The following PRMT5 variants were observed in gnomAD, a reference collection of about 807,000 sequenced individuals.
The protein encoded by PRMT5 is protein arginine methyltransferase 5, also known as protein arginine N-methyltransferase 5.
A neutral mutation model predicts 84.0 loss-of-function variants in PRMT5; 15 were observed. The observed-to-expected ratio is 0.18, with a 90% CI of 0.12 to 0.28. The LOEUF is 0.28. Ranked by LOEUF, PRMT5 falls within the 10% of genes least tolerant of loss-of-function variation. The probability of loss-of-function intolerance (pLI) is 1.00; values close to 1 mark genes in which losing one functional copy is unlikely to be tolerated. For synonymous variants in PRMT5, 276 were observed against 292.4 expected, an observed-to-expected ratio of 0.94 and a Z score of 0.57; for missense variants, 486 against 808.0, an observed-to-expected ratio of 0.60 and a Z score of 4.83.
At position 22,923,638 on chromosome 14, in the gene PRMT5, C is replaced by T. The variant is rs910236898; in HGVS notation, c.1375+370G>A. ...AAGTGATTCTCGCGCCTCAGCCTCC[C>T]GAGTAGCTGGGATTACAGGCGTGCA... On this transcript the variant is annotated intron_variant, in intron 12 of 16. Transcript: ENST00000324366. The surrounding 1 kb of genome is among the most constrained non-coding windows in gnomAD (Gnocchi z 5.2). Among the ~76,000 whole-genome samples the T allele has an allele frequency of 2.4e-4, 36 of 152,024 alleles. No homozygotes were observed. The highest frequency in any genetic ancestry group is 8.2e-4 in the African/African-American group (34 of 41,380).
At position 22,925,187 on chromosome 14, in the gene PRMT5, G is replaced by T. The variant is rs567174831; in HGVS notation, c.778-147C>A. ...TTTTTAAAAAAAAAGATGGAGTCTCGCTCTATTGCCCAGGCTGGAGTGCAA... is the reference window on the plus strand; with the variant it reads ...TTTTTAAAAAAAAAGATGGAGTCTCTCTCTATTGCCCAGGCTGGAGTGCAA... On this transcript the variant is annotated intron_variant, in intron 7 of 16. Coordinates refer to ENST00000324366, the MANE Select transcript of PRMT5 (RefSeq NM_006109.5). 36 of 920,520 alleles carry T rather than the reference G, an allele frequency of 3.9e-5. No individual in the cohort carries two copies. The African/African-American group carries it at 6.3e-4, about 16-fold the overall frequency. The allele number at this position is 920,520 out of a possible 1,614,324, so 57.0% of individuals were successfully genotyped here.
In PRMT5 at chr14:22,924,630, A is replaced by G; in HGVS notation, c.1017+2T>C. 1 of 1,613,934 alleles carries G rather than the reference A, an allele frequency of 6.2e-7. No individual in the cohort carries two copies. On this transcript the variant is annotated splice_donor_variant, in intron 9 of 16. Transcript: ENST00000324366. LOFTEE classifies it high-confidence loss of function. This position sits in a 1 kb window ranked among gnomAD's most constrained non-coding sequence, Gnocchi z 6.5. Reference sequence around the variant, plus strand: ...TTCCTCACCCTGGGCACCACACAGTACCTGCTGGTACTGAGAGTATTTGAT... The same window carrying G: ...TTCCTCACCCTGGGCACCACACAGTGCCTGCTGGTACTGAGAGTATTTGAT...
chr14:22,926,468 G>A (rs1566634819), intron 6 of PRMT5, 38 bp downstream of exon 6: 7 of 1,611,878 alleles, frequency 4.3e-6, no homozygotes, highest in Non-Finnish European at 5.9e-6. Flanking sequence ...CAGGAGGTAA[G>A]AGAAGCCACA....
In PRMT5 at chr14:22,922,196, G is replaced by A; in HGVS notation, c.1741C>T (p.Pro581Ser). The change falls in exon 16 of 17, where the codon CCC (proline) becomes TCC (serine). Residue 581 changes from proline to serine, a missense_variant. By Grantham distance (74) the Pro-to-Ser change is moderately conservative. Coordinates refer to ENST00000324366, the MANE Select transcript of PRMT5 (RefSeq NM_006109.5). ...THSPGMFSWF[P>S]ILFPIKQPIT... ...CCTACCTTAATAGGGAAGAGGATGG[G>A]AAACCATGAGAACATCCCAGGAGAG... 6.3e-7 allele frequency: 1 copy of A among 1,593,334 alleles called. No individual in the cohort carries two copies. The highest frequency in any genetic ancestry group is 1.3e-5 in the African/African-American group (1 of 74,566).
In PRMT5 at chr14:22,923,801, C is replaced by T. The variant is rs530144309; in HGVS notation, c.1375+207G>A. On this transcript the variant is annotated intron_variant, in intron 12 of 16. Transcript: ENST00000324366. The surrounding 1 kb of genome is among the most constrained non-coding windows in gnomAD (Gnocchi z 5.2). ...TACAGGCATGAGCCACCGCGCCCAG[C>T]CCACTCCCTTCATTTTACAAATATG... is the stretch of plus-strand genomic sequence containing the variant. Among the ~76,000 whole-genome samples the T allele has an allele frequency of 8.5e-5, 13 of 152,284 alleles. No individual in the cohort carries two copies. The highest frequency in any genetic ancestry group is 2.9e-4 in the African/African-American group (12 of 41,564).
In PRMT5 at chr14:22,926,577, A is replaced by G. The variant is rs1418627241; in HGVS notation, c.564-22T>C. The G allele has an allele frequency of 5.6e-6, 9 of 1,613,974 alleles. No individual in the cohort carries two copies. In the Admixed American group the frequency reaches 1.5e-4, roughly 27 times the overall value. ...CCACCTGTTCAGTCAAATACAGAAA[A>G]GTACAGTAAACTAGATATGGCCGAC... is the stretch of plus-strand genomic sequence containing the variant. On this transcript the variant is annotated intron_variant, in intron 5 of 16. Transcript: ENST00000324366.
chr14:22,926,025 C>T, intron 7 of PRMT5, 108 bp downstream of exon 7: 3 of 1,253,772 alleles, frequency 2.4e-6, no homozygotes, highest in Admixed American at 2.3e-5. Flanking sequence ...AAATTGCTCC[C>T]CAGAAACCAA....
intron 16 of PRMT5, 39 bp downstream of exon 16, chr14:22,922,137 G>C: frequency 1.3e-6 from 2 of 1,498,480 alleles, no homozygotes; most frequent in South Asian, 2.3e-5. Flanking sequence ...AAAGGCAAAG[G>C]TTACTGCTTA....
chr14:22,924,906 A>G lies in PRMT5; in HGVS notation c.912T>C (p.Tyr304=), dbSNP rs751508617. The G allele has an allele frequency of 1.9e-6, 3 of 1,614,218 alleles. No individual in the cohort carries two copies. Among genetic ancestry groups the G allele is most frequent in the Non-Finnish European group, 2.5e-6 (3 of 1,180,030 alleles). Residue 304 remains tyrosine (Y), a synonymous_variant, in exon 8 of 17, where the codon TAT becomes TAC. Coordinates refer to ENST00000324366, the MANE Select transcript of PRMT5 (RefSeq NM_006109.5). This position sits in a 1 kb window ranked among gnomAD's most constrained non-coding sequence, Gnocchi z 6.5. ...PNAYELFAKG[Y]EDYLQSPLQP... is the part of the protein sequence containing the mutation. Reference sequence around the variant, plus strand: ...GAAGCGGGGACTGCAGATAGTCTTCATAGCCCTTGGCAAAGAGTTCATAGG... The same window carrying G: ...GAAGCGGGGACTGCAGATAGTCTTCGTAGCCCTTGGCAAAGAGTTCATAGG...
chr14:22,923,300 T>C lies in PRMT5; in HGVS notation c.1376-140A>G, dbSNP rs1169534816. On this transcript the variant is annotated intron_variant, in intron 12 of 16. Transcript: ENST00000324366. The surrounding 1 kb of genome is among the most constrained non-coding windows in gnomAD (Gnocchi z 5.2). The stretch of plus-strand genomic sequence containing the variant: ...GGCATGGAAGAAAGAGACAAATGCA[T>C]GTTGTCACATTACTAAGCCAGCCTG... 3.3e-6 allele frequency: 2 copies of C among 598,990 alleles called. No homozygotes were observed. The highest frequency in any genetic ancestry group is 2.3e-5 in the South Asian group (1 of 43,378). 37.1% of individuals were successfully genotyped at this position (598,990 alleles called of 1,614,324 possible). A position where few individuals can be genotyped will look rare whatever the true frequency, so the allele number is the denominator to read the frequency against.
chr14:22,925,966 G>C (rs1330065461), intron 7 of PRMT5, among the ~76,000 whole-genome samples, 167 bp downstream of exon 7: 2 of 152,138 alleles, frequency 1.3e-5, no homozygotes, highest in Non-Finnish European at 2.9e-5. Flanking sequence ...GGTTTCTAGG[G>C]CTACTACTGG....
Position 22,929,364 on chromosome 14 carries a change from T to C in PRMT5, c.-3A>G. The C allele has an allele frequency of 6.2e-7, 1 of 1,606,036 alleles. No homozygotes were observed. The highest frequency in any genetic ancestry group is 8.5e-7 in the Non-Finnish European group (1 of 1,177,842). On this transcript the variant is annotated 5_prime_UTR_variant, in exon 1 of 17. Transcript: ENST00000324366. Reference sequence around the variant, plus strand: ...CCCCCGACCGCCATCGCCGCCATCTTTCTCCTCGCGCTGTCCACGCCGGGA... The same window carrying C: ...CCCCCGACCGCCATCGCCGCCATCTCTCTCCTCGCGCTGTCCACGCCGGGA...
rs941775674 is a variant in PRMT5, at chr14:22,923,954, A to C, written c.1375+54T>G. The C allele has an allele frequency of 2.6e-6, 4 of 1,514,864 alleles. No individual in the cohort carries two copies. The highest frequency in any genetic ancestry group is 2.8e-5 in the African/African-American group (2 of 71,578). The allele number at this position is 1,514,864 out of a possible 1,614,324, so 93.8% of individuals were successfully genotyped here. A position where few individuals can be genotyped will look rare whatever the true frequency, so the allele number is the denominator to read the frequency against. On this transcript the variant is annotated intron_variant, in intron 12 of 16. Coordinates refer to ENST00000324366, the MANE Select transcript of PRMT5 (RefSeq NM_006109.5). This position sits in a 1 kb window ranked among gnomAD's most constrained non-coding sequence, Gnocchi z 5.2. ...CCCCTAAACCCTGTACCCTCCTCCC[A>C]GGTTGCTGTCTCACCCATCATCACC...
chr14:22,926,953 A>G, intron 4 of PRMT5, 139 bp from the exon 5 acceptor site: 1 of 644,012 alleles, frequency 1.6e-6, no homozygotes, highest in Non-Finnish European at 2.8e-6. Context: ...TTGTAAGTGA[A>G]CATGTACCTT....
chr14:22,925,165 TTAAA>T (rs1566633557), intron 7 of PRMT5, 125 bp from the exon 8 acceptor site: 57 of 852,898 alleles, frequency 6.7e-5, no homozygotes, highest in East Asian at 1.6e-4. Context: ...TTTTTTTTTT[TTAAA>T]AAAAAAGATG....
Position 22,924,395 on chromosome 14 carries a change from A to C in PRMT5, c.1077-3T>G, listed in dbSNP as rs2044370798. 1.2e-6 allele frequency: 2 copies of C among 1,613,936 alleles called. No individual in the cohort carries two copies. Among genetic ancestry groups the C allele is most frequent in the East Asian group, 2.2e-5 (1 of 44,850 alleles). On this transcript the variant is annotated splice_region_variant and splice_polypyrimidine_tract_variant and intron_variant, in intron 10 of 16. Transcript: ENST00000324366. The surrounding 1 kb of genome is among the most constrained non-coding windows in gnomAD (Gnocchi z 6.5). Reference sequence around the variant, plus strand: ...CTGCTCCCAGCACCATCAGTACCCTAAGAAAGAAAGGGAAGAGTCAAGCAG... The same window carrying C: ...CTGCTCCCAGCACCATCAGTACCCTCAGAAAGAAAGGGAAGAGTCAAGCAG...
At position 22,927,680 on chromosome 14, in the gene PRMT5, G is replaced by T; in HGVS notation, c.316-20C>A. On this transcript the variant is annotated intron_variant, in intron 3 of 16. Coordinates refer to ENST00000324366, the MANE Select transcript of PRMT5 (RefSeq NM_006109.5). ...CATGGCCTGGAACGGAGATGAAGAGGAAAAGTTTGAGCTAACAAGCAAACA... is the reference window on the plus strand; with the variant it reads ...CATGGCCTGGAACGGAGATGAAGAGTAAAAGTTTGAGCTAACAAGCAAACA... 6.3e-7 allele frequency: 1 copy of T among 1,597,694 alleles called. No individual in the cohort carries two copies. The highest frequency in any genetic ancestry group is 8.5e-7 in the Non-Finnish European group (1 of 1,172,488).
At chr14:22,921,598 G>A (rs1024450444) in intron 16 of PRMT5, among the ~76,000 whole-genome samples, 5 of 152,150 alleles carry the variant, frequency 3.3e-5, no homozygotes, top group Non-Finnish European at 7.4e-5. Flanking sequence ...AGAGAGATAA[G>A]ATCAGGCCAG....
At chr14:22,922,008 G>T in intron 16 of PRMT5, 168 bp downstream of exon 16, 1 of 666,890 alleles carries the variant, frequency 1.5e-6, no homozygotes, top group Non-Finnish European at 2.7e-6. Context: ...GGAAAGCCAG[G>T]CAGAAGGCCA....
Sources: allele counts gnomAD v4.1 joint callset (sites outside exome capture counted in the v4.1 genomes callset), GRCh38; gene constraint gnomAD v4.1.1; non-coding constraint Gnocchi (gnomAD v3.1); transcripts MANE v1.5; gene names NCBI Gene and HGNC (gene_info 2026-07-23, HGNC 2026-07-21).